The following DTNA variants were observed in gnomAD, a reference collection of about 807,000 sequenced individuals.
The protein encoded by DTNA is dystrobrevin alpha.
A neutral mutation model predicts 100.7 loss-of-function variants in DTNA; 43 were observed. That is an observed-to-expected ratio of 0.43 (90% CI 0.33 to 0.55). DTNA has a LOEUF of 0.55. Ranked by LOEUF, DTNA falls within the 20% of genes least tolerant of loss-of-function variation. DTNA has a pLI of 0.04. For synonymous variants in DTNA, 349 were observed against 347.9 expected (o/e 1.00, Z -0.04); for missense variants, 798 against 953.9 (o/e 0.84, Z 2.15).
intron 16 of DTNA, among the ~76,000 whole-genome samples, chr18:34,860,971 A>AG (rs1317577589): frequency 6.6e-6 from 1 of 152,166 alleles, no homozygotes; most frequent in Non-Finnish European, 1.5e-5. Flanking sequence ...CACTTAGTGT[A>AG]TATATTTATG....
intron 14 of DTNA, among the ~76,000 whole-genome samples, chr18:34,851,557 T>G (rs951289904): frequency 6.6e-6 from 1 of 152,160 alleles, no homozygotes; most frequent in Non-Finnish European, 1.5e-5. Context: ...CCCAAAGATT[T>G]TCAGTCAGAA....
chr18:34,793,962 A>T (rs2094860963), intron 3 of DTNA, 75 bp from the exon 4 acceptor site: 17 of 1,495,586 alleles, frequency 1.1e-5, no homozygotes, highest in Non-Finnish European at 1.3e-5. Context: ...AAAAAACAGG[A>T]CAGAGGGTCA....
chr18:34,543,720 G>A (rs1438724546), intron 1 of DTNA, among the ~76,000 whole-genome samples: 2 of 152,006 alleles, frequency 1.3e-5, no homozygotes, highest in African/African-American at 2.4e-5. Context: ...TAAAAATTGT[G>A]GACAGTAGAT....
At chr18:34,707,755 G>C (rs2082299298), upstream of DTNA, among the ~76,000 whole-genome samples, 1 of 152,172 alleles carries the variant, frequency 6.6e-6, no homozygotes, top group African/African-American at 2.4e-5. Flanking sequence ...TCAAATTGGG[G>C]TTCAAATTAT....
At chr18:34,874,327 G>A (rs1186117156) in intron 17 of DTNA, among the ~76,000 whole-genome samples, 2 of 152,178 alleles carry the variant, frequency 1.3e-5, no homozygotes, top group Non-Finnish European at 2.9e-5. Flanking sequence ...ATGCACTCAA[G>A]GGTCTCCTTG....
At chr18:34,865,470 C>CT (rs2096687888) in intron 17 of DTNA, among the ~76,000 whole-genome samples, 1 of 152,126 alleles carries the variant, frequency 6.6e-6, no homozygotes, top group Non-Finnish European at 1.5e-5. Flanking sequence ...TCAGTGTCCT[C>CT]TTTAACAATT....
chr18:34,568,914 C>T (rs1173541034), intron 1 of DTNA, among the ~76,000 whole-genome samples: 1 of 152,198 alleles, frequency 6.6e-6, no homozygotes, highest in Admixed American at 6.5e-5. Context: ...CCACACCTGG[C>T]CCATTTCTCA....
intron 17 of DTNA, chr18:34,868,772 A>T (rs2096734734): frequency 1.0e-6 from 1 of 984,926 alleles, no homozygotes; most frequent in African/African-American, 1.7e-5. Context: ...TGTGATGATT[A>T]TGATATCACA....
chr18:34,642,768 A>AGG (rs34735702), intron 1 of DTNA, among the ~76,000 whole-genome samples: 1 of 152,090 alleles, frequency 6.6e-6, no homozygotes, highest in Non-Finnish European at 1.5e-5. Flanking sequence ...CATGTTGGCT[A>AGG]GGGGGGTCTC....
intron 5 of DTNA, among the ~76,000 whole-genome samples, chr18:34,811,183 C>T (rs1245793772): frequency 6.6e-6 from 1 of 152,134 alleles, no homozygotes; most frequent in Non-Finnish European, 1.5e-5. Flanking sequence ...TTATAAAACA[C>T]CTTGGGAAAT....
At chr18:34,557,440 C>G (rs527425369) in intron 1 of DTNA, among the ~76,000 whole-genome samples, 2 of 152,094 alleles carry the variant, frequency 1.3e-5, no homozygotes, top group African/African-American at 4.8e-5. Context: ...GGAGGAGAGG[C>G]GCTCTGCGTT....
At chr18:34,584,148 G>A (rs2048900277) in intron 1 of DTNA, among the ~76,000 whole-genome samples, 2 of 152,180 alleles carry the variant, frequency 1.3e-5, no homozygotes, top group Non-Finnish European at 2.9e-5. Flanking sequence ...ACCCAAGGGG[G>A]AAGAAATCTT....
At chr18:34,697,029 A>G (rs1468469875) in intron 1 of DTNA, among the ~76,000 whole-genome samples, 4 of 152,222 alleles carry the variant, frequency 2.6e-5, no homozygotes, top group Non-Finnish European at 5.9e-5. Context: ...GCTACTAACA[A>G]TCTACGATGC....
At chr18:34,662,786 A>G (rs1199469492) in intron 1 of DTNA, 3 of 152,224 alleles carry the variant, frequency 2.0e-5, no homozygotes, top group African/African-American at 7.2e-5. Flanking sequence ...TTTAACCCTG[A>G]GGAACAACTG....
chr18:34,640,910 G>A (rs1389268432), intron 1 of DTNA, among the ~76,000 whole-genome samples: 2 of 152,124 alleles, frequency 1.3e-5, no homozygotes, highest in Admixed American at 1.3e-4. Context: ...TGGCAGTGGC[G>A]GATGTTGTTG....
At chr18:34,633,808 G>GA (rs1451674997) in intron 1 of DTNA, among the ~76,000 whole-genome samples, 5 of 152,162 alleles carry the variant, frequency 3.3e-5, no homozygotes, top group Non-Finnish European at 7.4e-5. Context: ...CCAGCCTAAG[G>GA]AAAAAGAGTA....
chr18:34,703,632 T>C (rs766252824), intron 1 of DTNA, among the ~76,000 whole-genome samples: 2 of 152,226 alleles, frequency 1.3e-5, no homozygotes, highest in Non-Finnish European at 2.9e-5. Context: ...CAGGGATCTC[T>C]GAAATATCAG....
At position 34,751,304 on chromosome 18, in the gene DTNA, A is replaced by G. The variant is rs1026338375; in HGVS notation, c.-1-4672A>G. Among the ~76,000 whole-genome samples, 15 of 152,342 alleles carry G rather than the reference A, an allele frequency of 9.8e-5. No homozygotes were observed. The Middle Eastern group carries it at 0.01, about 104-fold the overall frequency. On this transcript the variant is annotated intron_variant, in intron 1 of 22. Coordinates refer to ENST00000444659, the MANE Select transcript of DTNA (RefSeq NM_001386795.1). ...TCACTCCTGAAACACAGAAGTATCC[A>G]ATTCACTGGACTCTTCCGTTAGTCG...
chr18:34,602,734 C>T (rs528244656), intron 1 of DTNA, among the ~76,000 whole-genome samples: 5 of 151,734 alleles, frequency 3.3e-5, no homozygotes, highest in East Asian at 3.9e-4. Context: ...AAAAGAGGCC[C>T]GGCGTGGTGG....
Sources: gnomAD v4.1 joint callset for allele counts (sites outside exome capture counted in the v4.1 genomes callset) on GRCh38, gnomAD v4.1.1 for gene constraint, MANE v1.5 for transcripts, NCBI Gene and HGNC (gene_info 2026-07-23, HGNC 2026-07-21) for gene names.